The following REDIC1 variants were observed in gnomAD, a reference collection of about 807,000 sequenced individuals.
REDIC1 encodes regulator of DNA class I crossover intermediates 1.
At chr12:39,703,444 C>A in the REDIC1 span, among the ~76,000 whole-genome samples, 1 of 149,768 alleles carries the variant, frequency 6.7e-6, no homozygotes, top group Non-Finnish European at 1.5e-5. Context: ...AGGATACAAA[C>A]AAATGGAAGA....
At chr12:39,645,473 C>T in the REDIC1 span, among the ~76,000 whole-genome samples, 3 of 152,158 alleles carry the variant, frequency 2.0e-5, no homozygotes, top group South Asian at 6.2e-4. Context: ...TTTTTCACTT[C>T]AGTCATTAAC....
At chr12:39,671,810 G>A in the REDIC1 span, among the ~76,000 whole-genome samples, 7 of 152,108 alleles carry the variant, frequency 4.6e-5, no homozygotes, top group African/African-American at 1.4e-4. Context: ...TGTGGTGGAT[G>A]GATGGGGAGA....
the REDIC1 span, among the ~76,000 whole-genome samples, chr12:39,697,697 A>G: frequency 9.9e-5 from 15 of 152,202 alleles, no homozygotes; most frequent in Admixed American, 9.8e-4. Flanking sequence ...GCTTAAAATC[A>G]TGAGTTCTAA....
the REDIC1 span, among the ~76,000 whole-genome samples, chr12:39,747,928 C>A: frequency 1.3e-5 from 2 of 152,114 alleles, no homozygotes; most frequent in Non-Finnish European, 2.9e-5. Flanking sequence ...CTGAAGGAAG[C>A]AATAAACATG....
the REDIC1 span, among the ~76,000 whole-genome samples, chr12:39,892,080 A>G: frequency 2.0e-5 from 3 of 152,292 alleles, no homozygotes; most frequent in East Asian, 3.9e-4. Flanking sequence ...AAAGTTTGCA[A>G]ATTACCAAAA....
chr12:39,812,608 G>A, the REDIC1 span, among the ~76,000 whole-genome samples: 2 of 151,806 alleles, frequency 1.3e-5, no homozygotes, highest in African/African-American at 4.8e-5. Flanking sequence ...GAGTAGCTAG[G>A]ACTACAGGCG....
chr12:39,653,585 C>CTTCTTTCTTCTTCTTCTTT, the REDIC1 span, among the ~76,000 whole-genome samples: 45,448 of 73,756 alleles, frequency 0.62, 19,002 homozygotes, highest in Non-Finnish European at 0.75. Flanking sequence ...TCTTCCTCTT[C>CTTCTTTCTTCTTCTTCTTT]TTCTTCCTCT....
the REDIC1 span, chr12:39,908,043 C>T: frequency 2.0e-5 from 3 of 152,148 alleles, no homozygotes; most frequent in African/African-American, 7.2e-5. Flanking sequence ...CCAGAAGAAC[C>T]ACATAGACTT....
the REDIC1 span, among the ~76,000 whole-genome samples, chr12:39,880,085 C>G: frequency 1.4e-4 from 22 of 152,114 alleles, no homozygotes; most frequent in Non-Finnish European, 2.8e-4. Flanking sequence ...TGCCATGTGA[C>G]GTGACTGCTC....
chr12:39,747,038 T>C, the REDIC1 span, among the ~76,000 whole-genome samples: 20,935 of 152,224 alleles, frequency 0.14, 1,702 homozygotes, highest in East Asian at 0.39. Context: ...TCCAAAGGAA[T>C]GCAGCTCCTC....
chr12:39,826,999 TAA>T, the REDIC1 span, among the ~76,000 whole-genome samples: 7 of 150,856 alleles, frequency 4.6e-5, no homozygotes, highest in South Asian at 8.5e-4. Context: ...CCATTACTTT[TAA>T]TGGCAAAAAG....
the REDIC1 span, among the ~76,000 whole-genome samples, chr12:39,744,709 A>G: frequency 1.3e-5 from 2 of 152,346 alleles, no homozygotes; most frequent in East Asian, 3.9e-4. Flanking sequence ...AAATAAATAA[A>G]TATAACACTA....
At chr12:39,726,416 G>T in the REDIC1 span, among the ~76,000 whole-genome samples, 1 of 152,066 alleles carries the variant, frequency 6.6e-6, no homozygotes, top group Admixed American at 6.6e-5. Context: ...TGCAGTGTTT[G>T]GTTTTCTGTT....
the REDIC1 span, among the ~76,000 whole-genome samples, chr12:39,804,790 A>G: frequency 6.6e-6 from 1 of 152,182 alleles, no homozygotes; most frequent in Non-Finnish European, 1.5e-5. Context: ...ATACAGATAC[A>G]TTTATATTTA....
chr12:39,832,488 T>C, the REDIC1 span, among the ~76,000 whole-genome samples: 8 of 152,192 alleles, frequency 5.3e-5, no homozygotes, highest in South Asian at 1.7e-3. Context: ...TTCAGGCATA[T>C]GAGATGTCAT....
chr12:39,699,424 A>G, the REDIC1 span, among the ~76,000 whole-genome samples: 3 of 152,198 alleles, frequency 2.0e-5, no homozygotes, highest in East Asian at 3.9e-4. Flanking sequence ...AGGAGATTAT[A>G]TCCCGCACAT....
At chr12:39,749,992 C>A in the REDIC1 span, among the ~76,000 whole-genome samples, 1 of 152,192 alleles carries the variant, frequency 6.6e-6, no homozygotes, top group Non-Finnish European at 1.5e-5. Context: ...GAAGCATTCC[C>A]TTTGAAACCT....
chr12:39,763,464 T>A, the REDIC1 span, among the ~76,000 whole-genome samples: 1 of 152,078 alleles, frequency 6.6e-6, no homozygotes, highest in African/African-American at 2.4e-5. Flanking sequence ...TTGGTGCTTA[T>A]CAGGTGAACA....
chr12:39,823,814 T>C, the REDIC1 span, among the ~76,000 whole-genome samples: 1 of 152,228 alleles, frequency 6.6e-6, no homozygotes, highest in African/African-American at 2.4e-5. Context: ...TTTGCAGTGA[T>C]ATACTGAAGC....
Sources: gnomAD v4.1 joint callset for allele counts (sites outside exome capture counted in the v4.1 genomes callset) on GRCh38, gnomAD v4.1.1 for gene constraint, MANE v1.5 for transcripts, NCBI Gene and HGNC (gene_info 2026-07-23, HGNC 2026-07-21) for gene names.